RIMS2: variants seen among roughly 807,000 people sequenced by gnomAD.
The protein encoded by RIMS2 is regulating synaptic membrane exocytosis protein 2.
Under a neutral mutation model 174.4 loss-of-function variants are expected in RIMS2, and 59 were observed. The ratio of observed to expected loss-of-function variants is 0.34; its 90% confidence interval spans 0.27 to 0.42. RIMS2 has a LOEUF of 0.42. Ranked by LOEUF, RIMS2 falls within the 10% of genes least tolerant of loss-of-function variation. The pLI is 1.00. For missense variants in RIMS2, 1,620 were observed against 1,666.3 expected (o/e 0.97, Z 0.48); for synonymous variants, 606 against 572.5 (o/e 1.06, Z -0.84).
intron 14 of RIMS2, among the ~76,000 whole-genome samples, chr8:103,944,877 T>G (rs1281851104): frequency 6.6e-6 from 1 of 151,962 alleles, no homozygotes; most frequent in Non-Finnish European, 1.5e-5. Flanking sequence ...AAACAAGAAC[T>G]AGGAAATAAC....
intron 3 of RIMS2, among the ~76,000 whole-genome samples, chr8:103,839,780 TCTAG>T (rs2098928750): frequency 6.6e-6 from 1 of 152,214 alleles, no homozygotes; most frequent in African/African-American, 2.4e-5. Flanking sequence ...CATCAAAAAT[TCTAG>T]CTGCCAAGAC....
chr8:103,700,920 T>C lies in RIMS2; in HGVS notation c.387+3624T>C, dbSNP rs149821001. Among the ~76,000 whole-genome samples the C allele has an allele frequency of 6.1e-3, 934 of 152,224 alleles. 11 individuals are homozygous for C. The highest frequency in any genetic ancestry group is 0.021 in the African/African-American group (884 of 41,582). On this transcript the variant is annotated intron_variant, in intron 2 of 23. Transcript: ENST00000504942. ...ACAGAAATGTTGGATTCTATGTTAC[T>C]GGTGTCATATTTTACTTTTATTCAT...
At chr8:104,138,138 G>A (rs547760715) in intron 19 of RIMS2, among the ~76,000 whole-genome samples, 17 of 152,172 alleles carry the variant, frequency 1.1e-4, no homozygotes, top group Non-Finnish European at 1.9e-4. Flanking sequence ...TCTTTTATAT[G>A]GCTGAATAGT....
At chr8:104,015,344 G>A (rs2095869808) in intron 19 of RIMS2, 1 of 624,200 alleles carries the variant, frequency 1.6e-6, no homozygotes. Context: ...AATTTCTGTT[G>A]TTTTTAACCC....
rs567688370 is a variant in RIMS2 at position 103,822,975 on chromosome 8, G to A, written c.698+56438G>A. On this transcript the variant is annotated intron_variant, in intron 3 of 23. Coordinates refer to ENST00000504942, the Ensembl canonical transcript of RIMS2. ...GATATATTTTTTAGCATTGTTCACTGCATTGAGTTATCAGTTGCTTTGGGC... is the reference window on the plus strand; with the variant it reads ...GATATATTTTTTAGCATTGTTCACTACATTGAGTTATCAGTTGCTTTGGGC... Among the ~76,000 whole-genome samples, 4 of 152,040 alleles carry A rather than the reference G, an allele frequency of 2.6e-5. No individual in the cohort carries two copies. The South Asian group carries it at 6.2e-4, about 24-fold the overall frequency.
intron 3 of RIMS2, chr8:103,819,289 G>A (rs1445281013): frequency 4.4e-6 from 6 of 1,363,266 alleles, no homozygotes; most frequent in Middle Eastern, 5.6e-4. Flanking sequence ...GGAGAAAGCC[G>A]AAAGCTGCAC....
exon 17 of RIMS2, chr8:103,989,385 G>A: frequency 1.9e-6 from 3 of 1,610,598 alleles, no homozygotes; most frequent in Non-Finnish European, 2.5e-6. Flanking sequence ...GACAGACATC[G>A]TGTCATGGAT....
At chr8:103,596,072 T>C (rs1396807815) in intron 1 of RIMS2, among the ~76,000 whole-genome samples, 1 of 152,116 alleles carries the variant, frequency 6.6e-6, no homozygotes, top group Non-Finnish European at 1.5e-5. Context: ...TTTGTCTTAA[T>C]TTGAACTTAT....
chr8:104,152,675 T>C (rs1199851083), intron 19 of RIMS2, among the ~76,000 whole-genome samples: 1 of 152,122 alleles, frequency 6.6e-6, no homozygotes, highest in African/African-American at 2.4e-5. Context: ...AGTTTTATAA[T>C]GCTGGATCTT....
At chr8:103,526,917 A>G (rs1402878840) in intron 1 of RIMS2, among the ~76,000 whole-genome samples, 2 of 152,202 alleles carry the variant, frequency 1.3e-5, no homozygotes, top group Non-Finnish European at 2.9e-5. Context: ...AAAGTGCTGC[A>G]AAACTACGAA....
rs1316198030 is a variant in RIMS2, at chr8:103,649,442, A to T, written c.177-47644A>T. 2.0e-5 allele frequency among the ~76,000 whole-genome samples: 3 copies of T among 151,922 alleles called. 1 individual carries two copies. The highest frequency in any genetic ancestry group is 4.4e-5 in the Non-Finnish European group (3 of 67,984). On this transcript the variant is annotated intron_variant, in intron 1 of 23. Transcript: ENST00000504942. ...CTTGGGGTTGATCTTCTAATGGAGT[A>T]TCTTACTGGGGTTCTCTATATTTCC...
chr8:103,915,416 T>C lies in RIMS2; in HGVS notation c.1813-79T>C. 11 of 720,860 alleles carry C rather than the reference T, an allele frequency of 1.5e-5. No homozygotes were observed. In the East Asian group the frequency reaches 1.9e-4, roughly 12 times the overall value. 44.7% of individuals were successfully genotyped at this position (720,860 alleles called of 1,614,324 possible). A position where few individuals can be genotyped will look rare whatever the true frequency, so the allele number is the denominator to read the frequency against. On this transcript the variant is annotated intron_variant, in intron 6 of 23. Transcript: ENST00000504942. Reference sequence around the variant, plus strand: ...GCGTTTTAGGTGTTGCAAATTGTTCTAGGTATTCTTTTACCTGAATCTTCA... The same window carrying C: ...GCGTTTTAGGTGTTGCAAATTGTTCCAGGTATTCTTTTACCTGAATCTTCA...
intron 2 of RIMS2, 54 bp from the exon 6 acceptor site, chr8:103,766,173 T>C (rs2098168600): frequency 7.7e-7 from 1 of 1,296,712 alleles, no homozygotes; most frequent in Non-Finnish European, 1.1e-6. Flanking sequence ...CTCTTTTTAT[T>C]TGTTTTTAAC....
chr8:103,642,198 G>C (rs577248815), intron 1 of RIMS2, among the ~76,000 whole-genome samples: 1 of 151,280 alleles, frequency 6.6e-6, no homozygotes, highest in Admixed American at 6.6e-5. Context: ...TTCTCTCTTA[G>C]CATATCAATT....
chr8:103,598,048 A>T (rs2094546153), intron 1 of RIMS2, among the ~76,000 whole-genome samples: 1 of 152,170 alleles, frequency 6.6e-6, no homozygotes, highest in South Asian at 2.1e-4. Flanking sequence ...TGTATGTAAG[A>T]TATACTTTTT....
At chr8:104,196,080 T>G (rs2136656958) in intron 19 of RIMS2, among the ~76,000 whole-genome samples, 1 of 152,228 alleles carries the variant, frequency 6.6e-6, no homozygotes, top group East Asian at 1.9e-4. Context: ...CATGAAATAT[T>G]TGGTTTTTAG....
intron 19 of RIMS2, among the ~76,000 whole-genome samples, chr8:104,142,064 A>G (rs1303113131): frequency 1.3e-5 from 2 of 151,866 alleles, no homozygotes; most frequent in Non-Finnish European, 2.9e-5. Flanking sequence ...TGCCTGCTAC[A>G]TAGCCTACTA....
At position 103,674,996 on chromosome 8, in the gene RIMS2, C is replaced by T. The variant is rs115644170; in HGVS notation, c.177-22090C>T. Among the ~76,000 whole-genome samples the T allele has an allele frequency of 6.4e-3, 976 of 152,160 alleles. 11 individuals are homozygous for T. The highest frequency in any genetic ancestry group is 0.022 in the African/African-American group (907 of 41,504). ...TTTAATATGATTTGAAGATTTTAAA[C>T]TACTGAAAAGATTAAATGATTCTCC... On this transcript the variant is annotated intron_variant, in intron 1 of 23. Coordinates refer to ENST00000504942, the Ensembl canonical transcript of RIMS2.
intron 3 of RIMS2, among the ~76,000 whole-genome samples, chr8:103,833,186 C>G (rs2098836593): frequency 6.6e-6 from 1 of 152,070 alleles, no homozygotes; most frequent in African/African-American, 2.4e-5. Context: ...TTTAAACTGG[C>G]CTTCATAGAT....
Sources: allele counts gnomAD v4.1 joint callset (sites outside exome capture counted in the v4.1 genomes callset), GRCh38; gene constraint gnomAD v4.1.1; transcripts MANE v1.5; gene names NCBI Gene and HGNC (gene_info 2026-07-23, HGNC 2026-07-21).